Variants in TMTC2 observed in about 807,000 individuals in gnomAD.
TMTC2 encodes the protein protein O-mannosyl-transferase TMTC2.
Under a neutral mutation model 82.4 loss-of-function variants are expected in TMTC2, and 43 were observed. That is an observed-to-expected ratio of 0.52 (90% confidence interval 0.41 to 0.67). The LOEUF is 0.67. Ranked by LOEUF, TMTC2 falls within the 30% of genes least tolerant of loss-of-function variation. TMTC2 has a pLI of 0.00. For missense variants in TMTC2, 919 were observed against 1,012.4 expected (o/e 0.91, Z 1.25); for synonymous variants, 408 against 381.9 (o/e 1.07, Z -0.80).
chr12:82,766,221 C>T (rs780376305), intron 1 of TMTC2, among the ~76,000 whole-genome samples: 1 of 152,208 alleles, frequency 6.6e-6, no homozygotes, highest in Non-Finnish European at 1.5e-5. Flanking sequence ...ACTTGGCCCT[C>T]TCCTTCTCGC....
intron 2 of TMTC2, among the ~76,000 whole-genome samples, chr12:82,870,013 A>T (rs565494166): frequency 6.6e-6 from 1 of 152,180 alleles, no homozygotes; most frequent in Non-Finnish European, 1.5e-5. Flanking sequence ...TGCTTAAAAA[A>T]TTAGTTTATG....
At chr12:82,937,772 A>ATACG (rs1876443779) in intron 4 of TMTC2, among the ~76,000 whole-genome samples, 1 of 22,690 alleles carries the variant, frequency 4.4e-5, no homozygotes, top group African/African-American at 1.4e-4. Context: ...ATATATATAT[A>ATACG]TATATATATA....
chr12:82,934,132 G>A (rs926037675), intron 4 of TMTC2, among the ~76,000 whole-genome samples: 12 of 152,258 alleles, frequency 7.9e-5, no homozygotes, highest in African/African-American at 2.6e-4. Context: ...GAGACTCAGA[G>A]GTAATGTGTC....
At chr12:82,981,309 G>A (rs1387978033) in intron 7 of TMTC2, among the ~76,000 whole-genome samples, 1 of 151,872 alleles carries the variant, frequency 6.6e-6, no homozygotes, top group Non-Finnish European at 1.5e-5. Context: ...ATAAGAGTCA[G>A]TGAGATGTAG....
chr12:82,739,517 G>A (rs1386884277), intron 1 of TMTC2, among the ~76,000 whole-genome samples: 2 of 152,084 alleles, frequency 1.3e-5, no homozygotes, highest in East Asian at 1.9e-4. Flanking sequence ...GGTAGATGGA[G>A]TATGGGTGCC....
At chr12:82,930,982 T>C (rs1342098430) in intron 4 of TMTC2, among the ~76,000 whole-genome samples, 2 of 152,138 alleles carry the variant, frequency 1.3e-5, no homozygotes, top group Non-Finnish European at 2.9e-5. Context: ...TGTCATAGCT[T>C]GCTGCAGCCT....
At chr12:82,990,375 T>G (rs1879349217) in intron 8 of TMTC2, among the ~76,000 whole-genome samples, 1 of 152,264 alleles carries the variant, frequency 6.6e-6, no homozygotes, top group East Asian at 1.9e-4. Context: ...CTTTAAGAAT[T>G]TGTGTAATAT....
intron 8 of TMTC2, among the ~76,000 whole-genome samples, chr12:82,987,860 G>C (rs1181388387): frequency 6.6e-6 from 1 of 152,108 alleles, no homozygotes; most frequent in Non-Finnish European, 1.5e-5. Context: ...CTCAGAATGG[G>C]ATCTGGATGG....
intron 8 of TMTC2, among the ~76,000 whole-genome samples, chr12:83,018,764 C>T (rs538162311): frequency 9.9e-5 from 15 of 151,576 alleles, no homozygotes; most frequent in Non-Finnish European, 2.1e-4. Context: ...AGATTTACCA[C>T]GGAAACTATG....
intron 8 of TMTC2, among the ~76,000 whole-genome samples, chr12:83,012,778 G>A (rs557269421): frequency 6.6e-6 from 1 of 152,234 alleles, no homozygotes; most frequent in South Asian, 2.1e-4. Context: ...ATGAACAGTG[G>A]TCGTGATGTT....
intron 11 of TMTC2, among the ~76,000 whole-genome samples, chr12:83,126,622 G>A (rs547963332): frequency 1.1e-4 from 17 of 152,100 alleles, no homozygotes; most frequent in East Asian, 7.7e-4. Context: ...ATTGAAGAGC[G>A]ATTTGGTTGT....
At chr12:83,013,004 T>A (rs1880528470) in intron 8 of TMTC2, among the ~76,000 whole-genome samples, 1 of 152,156 alleles carries the variant, frequency 6.6e-6, no homozygotes, top group African/African-American at 2.4e-5. Flanking sequence ...GGGTTGAATT[T>A]ACACTGAAAA....
chr12:82,987,590 AGTG>A (rs1879215388), intron 8 of TMTC2, among the ~76,000 whole-genome samples: 1 of 152,168 alleles, frequency 6.6e-6, no homozygotes, highest in Non-Finnish European at 1.5e-5. Context: ...CTAGAAATGA[AGTG>A]GTAACTGAAT....
At position 82,772,883 on chromosome 12, in the gene TMTC2, G is replaced by A. The variant is rs115711128; in HGVS notation, c.84-84127G>A. ...TGACACAAATGGGAAAGTAGTGTCG[G>A]AGTGGGGGGAGACAGCTCTCTTTCC... On this transcript the variant is annotated intron_variant, in intron 1 of 11. Transcript: ENST00000321196. Among the ~76,000 whole-genome samples, 1,462 of 152,220 alleles carry A rather than the reference G, an allele frequency of 9.6e-3. 28 individuals carry two copies. The highest frequency in any genetic ancestry group is 0.034 in the African/African-American group (1,419 of 41,528).
At chr12:82,778,538 A>C (rs1877713596) in intron 1 of TMTC2, among the ~76,000 whole-genome samples, 1 of 151,650 alleles carries the variant, frequency 6.6e-6, no homozygotes, top group Admixed American at 6.6e-5. Context: ...ACACAGTGAA[A>C]CCCCAGCTCT....
At chr12:82,954,801 C>T (rs1276292618) in intron 4 of TMTC2, among the ~76,000 whole-genome samples, 1 of 152,152 alleles carries the variant, frequency 6.6e-6, no homozygotes, top group African/African-American at 2.4e-5. Context: ...ATCTAGAGGG[C>T]AGTCTTACTA....
At chr12:82,972,943 G>A (rs1210504652) in intron 7 of TMTC2, among the ~76,000 whole-genome samples, 1 of 152,000 alleles carries the variant, frequency 6.6e-6, no homozygotes, top group African/African-American at 2.4e-5. Context: ...TTTAAAGTGG[G>A]GATATTCAGA....
chr12:82,885,760 C>T (rs1438933078), intron 2 of TMTC2, among the ~76,000 whole-genome samples: 3 of 152,122 alleles, frequency 2.0e-5, no homozygotes, highest in Admixed American at 6.5e-5. Context: ...ACACAACTTA[C>T]CACTATAAAG....
In TMTC2 at chr12:82,895,925, C is replaced by T. The variant is rs921672415; in HGVS notation, c.762C>T (p.Ser254=). ...TGGGAAACAAACCACCAAGCTTTTC[C>T]AACTCGGACAACCCCGCTGCTGATT... is the stretch of plus-strand genomic sequence containing the variant. ...YWMGNKPPSF[S]NSDNPAADSD... Residue 254 remains serine, a synonymous_variant, in exon 3 of 12, where the codon TCC becomes TCT. Transcript: ENST00000321196. The T allele has an allele frequency of 6.2e-7, 1 of 1,613,922 alleles. No homozygotes were observed. The highest frequency in any genetic ancestry group is 2.2e-5 in the East Asian group (1 of 44,820).
Sources: allele counts gnomAD v4.1 joint callset (sites outside exome capture counted in the v4.1 genomes callset), GRCh38; gene constraint gnomAD v4.1.1; transcripts MANE v1.5; gene names NCBI Gene and HGNC (gene_info 2026-07-23, HGNC 2026-07-21).